The following COG4 variants were observed in gnomAD, a reference collection of about 807,000 sequenced individuals.
COG4 encodes the protein conserved oligomeric Golgi complex subunit 4.
In COG4, 65 loss-of-function variants were observed where a neutral mutation model predicts 95.1. That is an observed-to-expected ratio of 0.68 (90% confidence interval 0.56 to 0.84). The LOEUF is 0.84. Among genes scored for constraint, COG4 ranks in the 40% least tolerant of loss-of-function variants. The probability of loss-of-function intolerance (pLI) is 0.00; values close to 1 mark genes in which losing one functional copy is unlikely to be tolerated. For synonymous variants in COG4, 421 were observed against 374.8 expected, an observed-to-expected ratio of 1.12 and a Z score of -1.42; for missense variants, 1,045 against 989.1, an observed-to-expected ratio of 1.06 and a Z score of -0.76.
chr16:70,490,313 G>A lies in COG4; in HGVS notation c.1710+17C>T, dbSNP rs74026056. 1.2e-6 allele frequency: 2 copies of A among 1,607,352 alleles called. No homozygotes were observed. Among genetic ancestry groups the A allele is most frequent in the South Asian group, 1.1e-5 (1 of 90,928 alleles). ...AAAAGATGGCTGCTGACCACTGATA[G>A]GCAATTTCCCTCGTACCTCCAGTGT... On this transcript the variant is annotated intron_variant, in intron 13 of 18. Transcript: ENST00000323786.
intron 2 of COG4, among the ~76,000 whole-genome samples, chr16:70,518,526 T>C (rs1185398098): frequency 1.3e-5 from 2 of 152,078 alleles, no homozygotes; most frequent in Non-Finnish European, 2.9e-5. Context: ...GCCCAACTAA[T>C]TTATTTATTT....
intron 12 of COG4, among the ~76,000 whole-genome samples, chr16:70,491,648 C>T (rs1347823747): frequency 1.3e-5 from 2 of 150,206 alleles, no homozygotes; most frequent in East Asian, 3.9e-4. Flanking sequence ...CATGGCGAAA[C>T]CCCGTCTCTA....
intron 3 of COG4, among the ~76,000 whole-genome samples, chr16:70,514,897 G>A (rs1019299942): frequency 4.0e-5 from 6 of 151,740 alleles, no homozygotes; most frequent in Non-Finnish European, 8.8e-5. Flanking sequence ...ATTTTTTGTA[G>A]AGGCAGGGTT....
chr16:70,502,830 T>A (rs1287674589), intron 8 of COG4, among the ~76,000 whole-genome samples: 1 of 152,138 alleles, frequency 6.6e-6, no homozygotes, highest in African/African-American at 2.4e-5. Flanking sequence ...TACTGGCATA[T>A]GAATAGATAT....
intron 3 of COG4, 80 bp from the exon 4 acceptor site, chr16:70,514,589 C>T: frequency 8.1e-7 from 1 of 1,232,568 alleles, no homozygotes; most frequent in Non-Finnish European, 1.2e-6. Context: ...GATTCAGGAG[C>T]TGAATCTGAT....
rs1337942620 is a variant in COG4, at chr16:70,481,389, G to A, written c.2205C>T (p.Ser735=). The change falls in exon 18 of 19, where the codon TCC becomes TCT. Residue 735 remains serine (S), a synonymous_variant. Coordinates refer to ENST00000323786, the MANE Select transcript of COG4 (RefSeq NM_015386.3). The part of the protein sequence containing the change: ...WTIRDKFARL[S]QMATILNLER... ...CCAGATTGAGGATGGTGGCCATCTG[G>A]GAGAGCCGGGCAAACTTGTCTCGGA... 6.2e-7 allele frequency: 1 copy of A among 1,613,238 alleles called. No individual in the cohort carries two copies. The highest frequency in any genetic ancestry group is 8.5e-7 in the Non-Finnish European group (1 of 1,180,000).
At chr16:70,521,221 CTT>C (rs796994153) in intron 1 of COG4, among the ~76,000 whole-genome samples, 6 of 144,698 alleles carry the variant, frequency 4.1e-5, no homozygotes, top group African/African-American at 5.0e-5. Flanking sequence ...GGCAGCTATA[CTT>C]TTTTTTTTTT....
intron 13 of COG4, among the ~76,000 whole-genome samples, chr16:70,488,479 G>C (rs2049181067): frequency 6.6e-6 from 1 of 151,736 alleles, no homozygotes; most frequent in African/African-American, 2.4e-5. Context: ...GGCTGGCCTC[G>C]AACTCCTGGC....
At chr16:70,485,205 CTTT>C (rs1262821692) in intron 13 of COG4, among the ~76,000 whole-genome samples, 6 of 130,354 alleles carry the variant, frequency 4.6e-5, no homozygotes, top group Admixed American at 7.7e-5. Flanking sequence ...CCCTGTCTCT[CTTT>C]TTTTTTTTTT....
At chr16:70,481,179 T>A (rs1324437367) in intron 18 of COG4, 35 bp from the exon 19 acceptor site, 1 of 1,612,764 alleles carries the variant, frequency 6.2e-7, no homozygotes, top group South Asian at 1.1e-5. Flanking sequence ...GTCAGCAAGG[T>A]GGGGTTATTC....
Position 70,509,222 on chromosome 16 carries a change from C to T in COG4, c.1002+9G>A. On this transcript the variant is annotated intron_variant, in intron 7 of 18. Transcript: ENST00000323786. The stretch of plus-strand genomic sequence containing the variant: ...CTACCAAACCCTACCTGTAGCTTCC[C>T]CTGCTCACCTGCTGGTGGTAGTCCC... The T allele has an allele frequency of 6.2e-7, 1 of 1,614,162 alleles. No homozygotes were observed. The highest frequency in any genetic ancestry group is 8.5e-7 in the Non-Finnish European group (1 of 1,180,020).
In COG4 at chr16:70,480,935, G is replaced by A. The variant is rs1233844158; in HGVS notation, c.*75C>T. Reference sequence around the variant, plus strand: ...GATCTCCCCCAAGCCAGACAGCCTCGCTCAGCTCCTTGGCTGGGGCCCCTT... The same window carrying A: ...GATCTCCCCCAAGCCAGACAGCCTCACTCAGCTCCTTGGCTGGGGCCCCTT... On this transcript the variant is annotated 3_prime_UTR_variant, in exon 19 of 19. Coordinates refer to ENST00000323786, the MANE Select transcript of COG4 (RefSeq NM_015386.3). The A allele has an allele frequency of 1.5e-5, 24 of 1,572,324 alleles. No homozygotes were observed. Among genetic ancestry groups the A allele is most frequent in the East Asian group, 1.1e-4 (5 of 44,664 alleles).
intron 8 of COG4, among the ~76,000 whole-genome samples, chr16:70,505,884 C>T (rs948973008): frequency 5.3e-5 from 8 of 152,238 alleles, no homozygotes; most frequent in African/African-American, 1.7e-4. Context: ...GGGGCTCATG[C>T]CTGTAATTCC....
chr16:70,486,920 G>A (rs1775401972), intron 13 of COG4, among the ~76,000 whole-genome samples: 1 of 151,516 alleles, frequency 6.6e-6, no homozygotes, highest in Non-Finnish European at 1.5e-5. Flanking sequence ...GCTTGAATCC[G>A]GGAGGTGGAG....
At chr16:70,503,241 G>A (rs1011502445) in intron 8 of COG4, among the ~76,000 whole-genome samples, 8 of 152,098 alleles carry the variant, frequency 5.3e-5, no homozygotes, top group African/African-American at 1.9e-4. Context: ...TGGTAAAGAC[G>A]GGGTTTCCCC....
At position 70,507,460 on chromosome 16, in the gene COG4, C is replaced by A. The variant is rs377666311; in HGVS notation, c.1061+946G>T. Among the ~76,000 whole-genome samples the A allele has an allele frequency of 3.2e-4, 48 of 151,924 alleles. No homozygotes were observed. The South Asian group carries it at 1.0e-2, about 32-fold the overall frequency. On this transcript the variant is annotated intron_variant, in intron 8 of 18. Transcript: ENST00000323786. ...AGTAATATGCCATGCAGGTTTATAC[C>A]CTAGGAGTAATAGTTTGTATCATAT...
At chr16:70,491,729 CAGG>C (rs2151745760) in intron 12 of COG4, among the ~76,000 whole-genome samples, 1 of 145,808 alleles carries the variant, frequency 6.9e-6, no homozygotes, top group East Asian at 2.0e-4. Context: ...GAGGCTGAGG[CAGG>C]AGAATTGCTT....
chr16:70,488,643 G>A (rs1011882639), intron 13 of COG4, among the ~76,000 whole-genome samples: 1 of 152,080 alleles, frequency 6.6e-6, no homozygotes, highest in Non-Finnish European at 1.5e-5. Flanking sequence ...CACCTCCGGG[G>A]TTCAAACAAT....
rs972545062 is a variant in COG4 at position 70,509,988 on chromosome 16, C to T, written c.772G>A (p.Val258Met). The change falls in exon 6 of 19, where the codon GTG becomes ATG. Residue 258 changes from valine (V) to methionine (M), a missense_variant. By Grantham distance (21) the Val-to-Met change is conservative. Transcript: ENST00000323786. The stretch of plus-strand genomic sequence containing the variant: ...CGATCACTCATGTCTGTCCCCAGCA[C>T]CATGAGCAGATTCTCCTCAGCTTTA... ...ASKAEENLLMVLGTDMSDRRA... is the reference protein window; with the variant it reads ...ASKAEENLLMMLGTDMSDRRA... 1 of 1,614,052 alleles carries T rather than the reference C, an allele frequency of 6.2e-7. No individual in the cohort carries two copies. Among genetic ancestry groups the T allele is most frequent in the Middle Eastern group, 1.6e-4 (1 of 6,062 alleles).
Sources: gnomAD v4.1 joint callset for allele counts (sites outside exome capture counted in the v4.1 genomes callset) on GRCh38, gnomAD v4.1.1 for gene constraint, MANE v1.5 for transcripts, NCBI Gene and HGNC (gene_info 2026-07-23, HGNC 2026-07-21) for gene names.